RUNX2: variants seen among roughly 807,000 people sequenced by gnomAD.
RUNX2 encodes RUNX family transcription factor 2, also known as runt-related transcription factor 2.
A neutral mutation model predicts 51.7 loss-of-function variants in RUNX2; 10 were observed. That is an observed-to-expected ratio of 0.19 (90% confidence interval 0.12 to 0.33). The LOEUF (loss-of-function observed/expected upper bound fraction) is 0.33, where lower values mean the gene tolerates loss of function less well. Among genes scored for constraint, RUNX2 ranks in the 10% least tolerant of loss-of-function variants. The probability of loss-of-function intolerance (pLI) is 1.00; values close to 1 mark genes in which losing one functional copy is unlikely to be tolerated. For missense variants in RUNX2, 562 were observed against 691.3 expected (o/e 0.81, Z 2.10); for synonymous variants, 276 against 273.6 (o/e 1.01, Z -0.09).
chr6:45,376,898 T>G (rs1424141263), intron 2 of RUNX2, among the ~76,000 whole-genome samples: 2 of 152,196 alleles, frequency 1.3e-5, no homozygotes, highest in African/African-American at 4.8e-5. Flanking sequence ...CACATATGTA[T>G]ATACATATAT....
At chr6:45,540,599 C>T (rs867809629) in intron 7 of RUNX2, among the ~76,000 whole-genome samples, 1 of 152,144 alleles carries the variant, frequency 6.6e-6, no homozygotes, top group African/African-American at 2.4e-5. Context: ...GTATACTAGT[C>T]TAAAAAAATT....
At chr6:45,496,534 C>A (rs569003552) in intron 6 of RUNX2, among the ~76,000 whole-genome samples, 36 of 152,208 alleles carry the variant, frequency 2.4e-4, no homozygotes, top group African/African-American at 8.7e-4. Context: ...AGGGAAGGAG[C>A]TAATTTTGAT....
intron 5 of RUNX2, among the ~76,000 whole-genome samples, chr6:45,487,596 A>G (rs1800322001): frequency 6.6e-6 from 1 of 152,200 alleles, no homozygotes; most frequent in South Asian, 2.1e-4. Context: ...CACTAGATTC[A>G]CTAGATTGTC....
intron 5 of RUNX2, among the ~76,000 whole-genome samples, chr6:45,457,747 G>A (rs1685350876): frequency 6.6e-6 from 1 of 152,136 alleles, no homozygotes; most frequent in South Asian, 2.1e-4. Flanking sequence ...GACTAGGTTG[G>A]GGAGGCTGGC....
intron 5 of RUNX2, among the ~76,000 whole-genome samples, chr6:45,459,915 A>G (rs1464651686): frequency 6.6e-6 from 1 of 152,176 alleles, no homozygotes; most frequent in Non-Finnish European, 1.5e-5. Context: ...GCAGAATGTC[A>G]AGAGCAAAGG....
intron 2 of RUNX2, among the ~76,000 whole-genome samples, chr6:45,391,490 C>G (rs774426908): frequency 3.9e-5 from 6 of 152,102 alleles, no homozygotes; most frequent in Admixed American, 1.3e-4. Flanking sequence ...ATAAATTACC[C>G]AGCCTCAGGT....
chr6:45,371,394 CTTT>C (rs560509544), intron 2 of RUNX2, among the ~76,000 whole-genome samples: 1 of 138,886 alleles, frequency 7.2e-6, no homozygotes, highest in Non-Finnish European at 1.6e-5. Context: ...TATTAGCTCA[CTTT>C]TTTTTTTTTT....
At chr6:45,545,374 T>C in intron 8 of RUNX2, 92 bp downstream of exon 8, 3 of 1,380,520 alleles carry the variant, frequency 2.2e-6, no homozygotes, top group African/African-American at 1.4e-5. Flanking sequence ...TTGTTAACTA[T>C]ATGTTGCTTT....
chr6:45,472,025 G>A (rs940014213), intron 5 of RUNX2, among the ~76,000 whole-genome samples: 3 of 151,866 alleles, frequency 2.0e-5, no homozygotes, highest in South Asian at 2.1e-4. Flanking sequence ...AAGGTAAGTG[G>A]GTTCTTGGTT....
At chr6:45,511,472 C>G (rs1189916701) in intron 6 of RUNX2, among the ~76,000 whole-genome samples, 1 of 152,198 alleles carries the variant, frequency 6.6e-6, no homozygotes, top group Non-Finnish European at 1.5e-5. Context: ...TGGTGCTTAA[C>G]ATTGAAACTG....
intron 6 of RUNX2, among the ~76,000 whole-genome samples, chr6:45,498,791 C>T (rs948196339): frequency 2.6e-5 from 4 of 152,174 alleles, no homozygotes; most frequent in South Asian, 2.1e-4. Context: ...GTTTGGCTGT[C>T]CTAGGATTCT....
chr6:45,408,046 A>G (rs1263622215), intron 2 of RUNX2, among the ~76,000 whole-genome samples: 2 of 152,246 alleles, frequency 1.3e-5, no homozygotes, highest in African/African-American at 2.4e-5. Flanking sequence ...ATAAACAATT[A>G]TTAAACATGA....
intron 2 of RUNX2, among the ~76,000 whole-genome samples, chr6:45,390,717 T>G (rs766939258): frequency 6.6e-6 from 1 of 151,284 alleles, no homozygotes; most frequent in African/African-American, 2.4e-5. Flanking sequence ...TTTTCCCCCA[T>G]GAGAAAGAAA....
chr6:45,339,380 C>T (rs944969624), intron 2 of RUNX2, among the ~76,000 whole-genome samples: 1 of 152,132 alleles, frequency 6.6e-6, no homozygotes, highest in Admixed American at 6.5e-5. Flanking sequence ...AGATAGCCAA[C>T]TTTTAATACT....
chr6:45,438,485 A>T (rs886752176), intron 5 of RUNX2, among the ~76,000 whole-genome samples: 1 of 152,218 alleles, frequency 6.6e-6, no homozygotes, highest in South Asian at 2.1e-4. Flanking sequence ...TCGCCCACTC[A>T]ATTCCCTTTA....
chr6:45,444,911 C>T (rs184423769), intron 5 of RUNX2, among the ~76,000 whole-genome samples: 29 of 152,252 alleles, frequency 1.9e-4, no homozygotes, highest in Admixed American at 4.6e-4. Flanking sequence ...CTGATGTCAG[C>T]GGCAGCTCGC....
chr6:45,350,673 A>G (rs527476341), intron 2 of RUNX2, among the ~76,000 whole-genome samples: 39 of 152,322 alleles, frequency 2.6e-4, no homozygotes, highest in African/African-American at 8.7e-4. Context: ...ATGTGGTCAT[A>G]ATCATATTAC....
chr6:45,456,562 G>A (rs1039675775), intron 5 of RUNX2, among the ~76,000 whole-genome samples: 1 of 152,060 alleles, frequency 6.6e-6, no homozygotes, highest in Non-Finnish European at 1.5e-5. Context: ...GTGCTCACAA[G>A]ATGTTTGGTA....
chr6:45,422,735 G>GCAGCAGCAGCAGCAGCAGCAA lies in RUNX2; in HGVS notation c.213_214insCAGCAGCAACAGCAGCAGCAG (p.Gln65_Gln71dup). ...AGCAGCAGCAGCAGCAGCAACAGCA[G>GCAGCAGCAGCAGCAGCAGCAA]CAGCAGCAGCAGGAGGCGGCGGCGG... On this transcript the variant is annotated inframe_insertion, in exon 3 of 9. Transcript: ENST00000647337. 6.4e-7 allele frequency: 1 copy of GCAGCAGCAGCAGCAGCAGCAA among 1,566,726 alleles called. No individual in the cohort carries two copies. Among genetic ancestry groups the GCAGCAGCAGCAGCAGCAGCAA allele is most frequent in the Non-Finnish European group, 8.6e-7 (1 of 1,160,378 alleles).
Sources: allele counts gnomAD v4.1 joint callset (sites outside exome capture counted in the v4.1 genomes callset), GRCh38; gene constraint gnomAD v4.1.1; transcripts MANE v1.5; gene names NCBI Gene and HGNC (gene_info 2026-07-23, HGNC 2026-07-21).